The following KLHL32 variants were observed in gnomAD, a reference collection of about 807,000 sequenced individuals.
KLHL32 encodes kelch like family member 32.
In KLHL32, 35 loss-of-function variants were observed where a neutral mutation model predicts 64.8. The observed-to-expected ratio is 0.54, with a 90% CI of 0.41 to 0.72. The LOEUF (loss-of-function observed/expected upper bound fraction) is 0.72. Among genes scored for constraint, KLHL32 ranks in the 30% least tolerant of loss-of-function variants. KLHL32 has a pLI of 0.00. For missense variants in KLHL32, 589 were observed against 768.5 expected (o/e 0.77, Z 2.76); for synonymous variants, 259 against 281.0 (o/e 0.92, Z 0.78).
chr6:96,950,998 CA>C (rs975789210), intron 1 of KLHL32, among the ~76,000 whole-genome samples: 2 of 150,424 alleles, frequency 1.3e-5, no homozygotes, highest in Non-Finnish European at 3.0e-5. Context: ...TCAGTTTGAA[CA>C]AAAAAAAAGT....
intron 4 of KLHL32, among the ~76,000 whole-genome samples, chr6:97,058,150 T>A (rs1002739636): frequency 6.6e-5 from 10 of 152,024 alleles, no homozygotes; most frequent in Non-Finnish European, 1.3e-4. Flanking sequence ...ATAACTGTAG[T>A]TTTTTTTAGT....
At chr6:96,920,070 A>T (rs1768701932), upstream of KLHL32, among the ~76,000 whole-genome samples, 1 of 152,194 alleles carries the variant, frequency 6.6e-6, no homozygotes, top group Non-Finnish European at 1.5e-5. Flanking sequence ...CAGGGAAAAA[A>T]ACCCGATGAG....
intron 6 of KLHL32, among the ~76,000 whole-genome samples, chr6:97,107,305 A>G (rs1184352551): frequency 6.6e-6 from 1 of 151,922 alleles, no homozygotes; most frequent in Non-Finnish European, 1.5e-5. Flanking sequence ...AAAAAAAAAG[A>G]AGTTATGTTT....
chr6:97,063,217 T>C (rs1244427306), intron 4 of KLHL32, among the ~76,000 whole-genome samples: 1 of 152,194 alleles, frequency 6.6e-6, no homozygotes, highest in Non-Finnish European at 1.5e-5. Context: ...GGAAGAGGAA[T>C]GGACTGGACT....
At chr6:96,969,809 C>T (rs1774914928) in intron 2 of KLHL32, among the ~76,000 whole-genome samples, 1 of 152,198 alleles carries the variant, frequency 6.6e-6, no homozygotes. Flanking sequence ...CTCAGATTTA[C>T]ATTTCTAGCA....
At chr6:97,133,488 A>C (rs974122371) in intron 10 of KLHL32, among the ~76,000 whole-genome samples, 1 of 152,190 alleles carries the variant, frequency 6.6e-6, no homozygotes, top group Non-Finnish European at 1.5e-5. Context: ...ATCTAATCGC[A>C]TCTTTATGGG....
chr6:96,987,151 A>C, intron 3 of KLHL32, among the ~76,000 whole-genome samples: 1 of 152,090 alleles, frequency 6.6e-6, no homozygotes, highest in Non-Finnish European at 1.5e-5. Flanking sequence ...TGATCTTTTC[A>C]AAAAACCAGC....
intron 1 of KLHL32, among the ~76,000 whole-genome samples, chr6:96,942,654 G>GGTGTGTGTGTGTGTGTGTGTGT (rs373680196): frequency 2.1e-5 from 3 of 144,232 alleles, no homozygotes; most frequent in East Asian, 2.1e-4. Context: ...ACAGCTGTGG[G>GGTGTGTGTGTGTGTGTGTGTGT]GTGTGTGTGT....
intron 4 of KLHL32, among the ~76,000 whole-genome samples, chr6:97,056,660 C>T (rs1283958195): frequency 6.6e-6 from 1 of 152,112 alleles, no homozygotes; most frequent in Non-Finnish European, 1.5e-5. Flanking sequence ...GACTCCCAGC[C>T]CCTACCTATA....
intron 3 of KLHL32, among the ~76,000 whole-genome samples, chr6:96,992,712 A>G (rs1206111): frequency 0.37 from 56,618 of 152,138 alleles, 12,128 homozygotes; most frequent in African/African-American, 0.56. Context: ...CTCATACTCT[A>G]ATAGGTTATG....
At position 97,072,484 on chromosome 6, in the gene KLHL32, A is replaced by G. The variant is rs1267538214; in HGVS notation, c.411+7758A>G. ...ATTCATTATGATGAATGTGGTTCACATAGTCTTCAGGATGAGGTTCACTCC... is the reference window on the plus strand; with the variant it reads ...ATTCATTATGATGAATGTGGTTCACGTAGTCTTCAGGATGAGGTTCACTCC... On this transcript the variant is annotated intron_variant, in intron 5 of 10. Coordinates refer to ENST00000369261, the MANE Select transcript of KLHL32 (RefSeq NM_052904.4). Among the ~76,000 whole-genome samples, 6 of 152,026 alleles carry G rather than the reference A, an allele frequency of 3.9e-5. No individual in the cohort carries two copies. In the East Asian group the frequency reaches 1.2e-3, roughly 29 times the overall value.
chr6:97,053,493 G>A (rs1433437817), intron 4 of KLHL32, among the ~76,000 whole-genome samples: 1 of 151,868 alleles, frequency 6.6e-6, no homozygotes, highest in Admixed American at 6.6e-5. Context: ...CTTTGAAAAT[G>A]AAAAAACACA....
At position 97,058,671 on chromosome 6, in the gene KLHL32, A is replaced by T. The variant is rs377628529; in HGVS notation, c.313-5957A>T. Among the ~76,000 whole-genome samples, 12 of 152,326 alleles carry T rather than the reference A, an allele frequency of 7.9e-5. No individual in the cohort carries two copies. The South Asian group carries it at 2.5e-3, about 32-fold the overall frequency. ...AAGAAATCTATTGTTTTTCTGATAA[A>T]CAATGCCAGACTCAGCTGGCAAATG... On this transcript the variant is annotated intron_variant, in intron 4 of 10. Coordinates refer to ENST00000369261, the MANE Select transcript of KLHL32 (RefSeq NM_052904.4).
At position 97,066,837 on chromosome 6, in the gene KLHL32, T is replaced by C. The variant is rs114837627; in HGVS notation, c.411+2111T>C. Reference sequence around the variant, plus strand: ...TGTTTTGGTAATATTGTTCAACTGATTTTTAATTTAATGTGGGACTATTTC... The same window carrying C: ...TGTTTTGGTAATATTGTTCAACTGACTTTTAATTTAATGTGGGACTATTTC... On this transcript the variant is annotated intron_variant, in intron 5 of 10. Coordinates refer to ENST00000369261, the MANE Select transcript of KLHL32 (RefSeq NM_052904.4). Among the ~76,000 whole-genome samples, 1,429 of 152,320 alleles carry C rather than the reference T, an allele frequency of 9.4e-3. 25 individuals carry two copies. The highest frequency in any genetic ancestry group is 0.033 in the African/African-American group (1,372 of 41,574).
At chr6:97,100,134 T>G (rs549577782) in intron 6 of KLHL32, among the ~76,000 whole-genome samples, 1 of 152,072 alleles carries the variant, frequency 6.6e-6, no homozygotes, top group Non-Finnish European at 1.5e-5. Flanking sequence ...AGAGTGAGAC[T>G]CTATCTCAAA....
chr6:97,115,883 G>T (rs1246140455), intron 7 of KLHL32, among the ~76,000 whole-genome samples: 1 of 152,180 alleles, frequency 6.6e-6, no homozygotes, highest in African/African-American at 2.4e-5. Context: ...TTACTTTTAA[G>T]TACACCTGCA....
intron 4 of KLHL32, among the ~76,000 whole-genome samples, chr6:97,053,871 T>G (rs1787359938): frequency 1.3e-5 from 2 of 152,086 alleles, no homozygotes; most frequent in Non-Finnish European, 2.9e-5. Flanking sequence ...AGTCTGTGCA[T>G]ATACTACACA....
At chr6:96,933,650 T>C (rs1346298617) in intron 1 of KLHL32, among the ~76,000 whole-genome samples, 2 of 152,124 alleles carry the variant, frequency 1.3e-5, no homozygotes, top group African/African-American at 4.8e-5. Flanking sequence ...GAGAGAGTCT[T>C]TCTATGTGGT....
At position 96,933,622 on chromosome 6, in the gene KLHL32, G is replaced by T. The variant is rs1355961701; in HGVS notation, c.-66+8596G>T. On this transcript the variant is annotated intron_variant, in intron 1 of 10. Coordinates refer to ENST00000369261, the MANE Select transcript of KLHL32 (RefSeq NM_052904.4). ...CTCATGGTTGACCTCAGGGATGGAA[G>T]CATATTGACAGTTTCAGGAGAGAGT... Among the ~76,000 whole-genome samples the T allele has an allele frequency of 9.9e-5, 15 of 152,186 alleles. 1 individual carries two copies. The highest frequency in any genetic ancestry group is 1.5e-5 in the Non-Finnish European group (1 of 68,032).
Sources: gnomAD v4.1 joint callset for allele counts (sites outside exome capture counted in the v4.1 genomes callset) on GRCh38, gnomAD v4.1.1 for gene constraint, MANE v1.5 for transcripts, NCBI Gene and HGNC (gene_info 2026-07-23, HGNC 2026-07-21) for gene names.